Variants in BCAR1 observed in about 807,000 individuals in gnomAD.
BCAR1 encodes the protein BCAR1 scaffold protein, Cas family member, also known as breast cancer anti-estrogen resistance protein 1.
A neutral mutation model predicts 67.6 loss-of-function variants in BCAR1; 30 were observed. That is an observed-to-expected ratio of 0.44 (90% CI 0.33 to 0.60). BCAR1 has a LOEUF of 0.60. Ranked by LOEUF, BCAR1 falls within the 20% of genes least tolerant of loss-of-function variation. The pLI, the probability that BCAR1 is intolerant of heterozygous loss-of-function variation, is 0.02. For synonymous variants in BCAR1, 626 were observed against 556.7 expected, an observed-to-expected ratio of 1.12 and a Z score of -1.75; for missense variants, 1,313 against 1,222.3, an observed-to-expected ratio of 1.07 and a Z score of -1.11.
At chr16:75,267,394 C>CGGG (rs66513768) in intron 1 of BCAR1, among the ~76,000 whole-genome samples, 5 of 124,812 alleles carry the variant, frequency 4.0e-5, no homozygotes, top group African/African-American at 8.3e-5. Context: ...CACAGCAAGC[C>CGGG]GGGGGGGGGG....
chr16:75,242,815 G>A lies in BCAR1; in HGVS notation c.288C>T (p.Ala96=). Reference sequence around the variant, plus strand: ...TGGGGAGCATGGGCGTGTACTGGGAGGCCGGAGGCGCTGGGGCATGGAGGC... The same window carrying A: ...TGGGGAGCATGGGCGTGTACTGGGAAGCCGGAGGCGCTGGGGCATGGAGGC... The part of the protein sequence containing the change: ...QPGLHAPAPP[A]SQYTPMLPNT... The change falls in exon 2 of 7, where the codon GCC becomes GCT. Residue 96 remains alanine, a synonymous_variant. Coordinates refer to ENST00000162330, the MANE Select transcript of BCAR1 (RefSeq NM_014567.5). 2 of 1,604,558 alleles carry A rather than the reference G, an allele frequency of 1.2e-6. No homozygotes were observed. Among genetic ancestry groups the A allele is most frequent in the Non-Finnish European group, 1.7e-6 (2 of 1,176,074 alleles).
upstream of BCAR1, chr16:75,251,673 A>G: frequency 1.0e-6 from 1 of 995,900 alleles, no homozygotes; most frequent in African/African-American, 1.7e-5. Context: ...GCCCGATCCC[A>G]GCATGCCCGG....
upstream of BCAR1, chr16:75,252,383 G>A (rs2077700060): frequency 6.7e-7 from 1 of 1,503,274 alleles, no homozygotes; most frequent in Non-Finnish European, 8.9e-7. Context: ...CAGCGACATG[G>A]GGTAGGAGAG....
At chr16:75,237,462 C>T (rs1363417176) in intron 2 of BCAR1, 118 bp from the exon 3 acceptor site, 21 of 1,253,802 alleles carry the variant, frequency 1.7e-5, no homozygotes, top group South Asian at 1.4e-4. Context: ...GTGGAAGGGA[C>T]GGGGCTCCCC....
At chr16:75,234,264 G>A (rs1455213213) in intron 5 of BCAR1, among the ~76,000 whole-genome samples, 1 of 151,694 alleles carries the variant, frequency 6.6e-6, no homozygotes, top group South Asian at 2.1e-4. Flanking sequence ...GGGACACACA[G>A]AGAAGGTGGC....
At chr16:75,266,106 G>A (rs1342101696) in intron 1 of BCAR1, 1 of 916,942 alleles carries the variant, frequency 1.1e-6, no homozygotes, top group Non-Finnish European at 1.3e-6. Flanking sequence ...CCAACGCGGC[G>A]GGGAGGCGCG....
At chr16:75,232,414 C>T (rs959078814) in intron 6 of BCAR1, among the ~76,000 whole-genome samples, 2 of 152,192 alleles carry the variant, frequency 1.3e-5, no homozygotes, top group Non-Finnish European at 2.9e-5. Context: ...CCCGCCTTGG[C>T]CTCCCAATGT....
chr16:75,255,206 C>T (rs2077748111), upstream of BCAR1, among the ~76,000 whole-genome samples: 1 of 152,204 alleles, frequency 6.6e-6, no homozygotes, highest in Non-Finnish European at 1.5e-5. Context: ...AACCAGTTTG[C>T]ACAGTGTAAA....
intron 1 of BCAR1, chr16:75,266,732 A>AG (rs1354924055): frequency 6.9e-7 from 1 of 1,440,278 alleles, no homozygotes; most frequent in Non-Finnish European, 9.2e-7. Flanking sequence ...AGGAAGGACC[A>AG]GGGGTCCGAC....
intron 1 of BCAR1, among the ~76,000 whole-genome samples, chr16:75,259,579 G>A (rs367986379): frequency 2.6e-5 from 4 of 152,168 alleles, no homozygotes; most frequent in Admixed American, 6.5e-5. Flanking sequence ...CTGGCCGGGC[G>A]CGGTGGCTCA....
At chr16:75,266,696 G>A in intron 1 of BCAR1, 1 of 1,373,490 alleles carries the variant, frequency 7.3e-7, no homozygotes, top group Non-Finnish European at 9.5e-7. Context: ...CATAGGCCCA[G>A]GCACTGAGAT....
At position 75,235,205 on chromosome 16, in the gene BCAR1, C is replaced by T. The variant is rs758794678; in HGVS notation, c.1694G>A (p.Gly565Asp). Residue 565 changes from glycine (G) to aspartate (D), a missense_variant, in exon 5 of 7, where the codon GGC (glycine) becomes GAC (aspartate). Around this residue, in one of 2 missense-constraint regions of BCAR1, gnomAD observed 1,272 missense variants for 1,137.5 expected, o/e 1.12. Coordinates refer to ENST00000162330, the MANE Select transcript of BCAR1 (RefSeq NM_014567.5). ...AAGGGTGGCTCCAGAGCCTCCCCGG[C>T]CAGCGTCGAGGGCCTGACCATGTGC... ...LVAHGQALDA[G>D]RGGSGATLED... The T allele has an allele frequency of 6.2e-7, 1 of 1,608,322 alleles. No individual in the cohort carries two copies. Among genetic ancestry groups the T allele is most frequent in the South Asian group, 1.1e-5 (1 of 91,000 alleles).
intron 5 of BCAR1, among the ~76,000 whole-genome samples, chr16:75,234,147 G>C (rs2077008032): frequency 7.0e-6 from 1 of 142,524 alleles, no homozygotes; most frequent in African/African-American, 2.7e-5. Context: ...ACTGGCACGT[G>C]CAGGGGCAGG....
intron 6 of BCAR1, 138 bp from the exon 7 acceptor site, chr16:75,230,161 G>C: frequency 9.2e-7 from 1 of 1,087,866 alleles, no homozygotes; most frequent in Non-Finnish European, 1.3e-6. Context: ...GAAACGGGCA[G>C]TCTCCTCTCC....
At chr16:75,245,110 C>T (rs1395655500) in intron 1 of BCAR1, among the ~76,000 whole-genome samples, 2 of 152,230 alleles carry the variant, frequency 1.3e-5, no homozygotes, top group Admixed American at 6.5e-5. Context: ...AGCGGGAGGG[C>T]GGGGGCTGTC....
At chr16:75,252,493 G>A, upstream of BCAR1, 3 of 1,263,004 alleles carry the variant, frequency 2.4e-6, no homozygotes, top group Non-Finnish European at 3.2e-6. Flanking sequence ...CTCGGTTGCA[G>A]GTCAGTGACT....
intron 2 of BCAR1, chr16:75,239,139 C>T (rs1020211336): frequency 1.0e-6 from 1 of 981,100 alleles, no homozygotes; most frequent in Non-Finnish European, 1.2e-6. Context: ...ACGCAGCCAC[C>T]AGGGGGAAAA....
chr16:75,238,605 C>A, intron 2 of BCAR1: 3 of 988,680 alleles, frequency 3.0e-6, no homozygotes, highest in Non-Finnish European at 3.6e-6. Context: ...CCCCCCGCAG[C>A]GCAGCAGAAC....
chr16:75,239,625 C>A (rs1414987617), intron 2 of BCAR1, among the ~76,000 whole-genome samples: 1 of 152,206 alleles, frequency 6.6e-6, no homozygotes, highest in Non-Finnish European at 1.5e-5. Context: ...TCTGGCACCC[C>A]CAGGTCCCAA....
Sources: allele counts gnomAD v4.1 joint callset (sites outside exome capture counted in the v4.1 genomes callset), GRCh38; gene constraint gnomAD v4.1.1; regional missense constraint gnomAD v4.1.1; transcripts MANE v1.5; gene names NCBI Gene and HGNC (gene_info 2026-07-23, HGNC 2026-07-21).